USP42: variants seen among roughly 807,000 people sequenced by gnomAD.
The protein encoded by USP42 is ubiquitin specific peptidase 42, also known as ubiquitin carboxyl-terminal hydrolase 42.
Under a neutral mutation model 113.0 loss-of-function variants are expected in USP42, and 23 were observed. The ratio of observed to expected loss-of-function variants is 0.20; its 90% CI spans 0.15 to 0.29. The LOEUF (loss-of-function observed/expected upper bound fraction) is 0.29, where lower values mean the gene tolerates loss of function less well. Among genes scored for constraint, USP42 ranks in the 10% least tolerant of loss-of-function variants. USP42 has a pLI of 1.00. For synonymous variants in USP42, 933 were observed against 699.0 expected (o/e 1.33, Z -5.28); for missense variants, 2,174 against 1,779.8 (o/e 1.22, Z -3.99).
At chr7:6,106,114 A>G (rs961108844) in intron 1 of USP42, among the ~76,000 whole-genome samples, 4 of 152,156 alleles carry the variant, frequency 2.6e-5, no homozygotes, top group Non-Finnish European at 4.4e-5. Flanking sequence ...AGTTTCACTT[A>G]TTTGTTTTAA....
chr7:6,130,069 C>T (rs762397898), intron 3 of USP42, among the ~76,000 whole-genome samples: 12 of 151,964 alleles, frequency 7.9e-5, no homozygotes, highest in Non-Finnish European at 1.5e-4. Flanking sequence ...CACTGCAGCT[C>T]CCACCTCCTG....
At chr7:6,102,624 G>A (rs1179741393), upstream of USP42, among the ~76,000 whole-genome samples, 1 of 150,602 alleles carries the variant, frequency 6.6e-6, no homozygotes, top group Non-Finnish European at 1.5e-5. Context: ...GGTGTGGTGG[G>A]CTGTGCCTGT....
At chr7:6,141,129 A>G in intron 7 of USP42, 145 bp downstream of exon 7, 1 of 468,424 alleles carries the variant, frequency 2.1e-6, no homozygotes. Flanking sequence ...GGAATTATTC[A>G]AGCTTTGTAG....
intron 8 of USP42, among the ~76,000 whole-genome samples, chr7:6,143,593 T>G (rs970679054): frequency 1.3e-5 from 2 of 152,168 alleles, no homozygotes; most frequent in African/African-American, 4.8e-5. Context: ...AATTTTTTTA[T>G]TGTCAAATCT....
At chr7:6,116,392 A>G (rs1183758188) in intron 3 of USP42, 1 of 168,326 alleles carries the variant, frequency 5.9e-6, no homozygotes, top group Non-Finnish European at 1.3e-5. Context: ...TTGACTATCA[A>G]CCTTCAGAAT....
chr7:6,123,036 G>A (rs1323143618), intron 3 of USP42, among the ~76,000 whole-genome samples: 4 of 150,814 alleles, frequency 2.7e-5, no homozygotes, highest in Non-Finnish European at 5.9e-5. Context: ...GTGTTGGCTA[G>A]GCTGGTCTCA....
At chr7:6,118,838 G>A (rs1015511594) in intron 3 of USP42, among the ~76,000 whole-genome samples, 1 of 152,046 alleles carries the variant, frequency 6.6e-6, no homozygotes, top group Non-Finnish European at 1.5e-5. Flanking sequence ...ATATCAATAC[G>A]ATCTATTTCT....
At chr7:6,125,792 T>G (rs1780509626) in intron 3 of USP42, among the ~76,000 whole-genome samples, 2 of 152,144 alleles carry the variant, frequency 1.3e-5, no homozygotes, top group South Asian at 4.1e-4. Context: ...GGGTTGTTTA[T>G]TTTACTTTGT....
chr7:6,115,194 C>A, intron 2 of USP42, 129 bp from the exon 3 acceptor site: 1 of 847,826 alleles, frequency 1.2e-6, no homozygotes, highest in Non-Finnish European at 1.8e-6. Context: ...CCTCTTCCCC[C>A]TGTATTTCAG....
chr7:6,097,826 G>C, the USP42 span, among the ~76,000 whole-genome samples: 1 of 149,786 alleles, frequency 6.7e-6, no homozygotes, highest in Non-Finnish European at 1.5e-5. Context: ...TCCTGACCTC[G>C]TGATCCGCCC....
chr7:6,156,766 C>T lies in USP42; in HGVS notation c.3654C>T (p.Asp1218=). The T allele has an allele frequency of 6.4e-7, 1 of 1,554,572 alleles. No individual in the cohort carries two copies. Among genetic ancestry groups the T allele is most frequent in the South Asian group, 1.3e-5 (1 of 79,624 alleles). The change falls in exon 16 of 18, where the codon GAC becomes GAT. Residue 1218 remains aspartate, a synonymous_variant. Transcript: ENST00000306177. ...HRDRDSRHQQ[D]SDLSAACSDA... ...TTTCCTTCTGCAGGCATCAGCAGGA[C>T]TCAGACCTCTCAGCAGCGTGCTCTG...
Position 6,155,100 on chromosome 7 carries a change from A to G in USP42, c.3546A>G (p.Glu1182=). The change falls in exon 15 of 18, where the codon GAA becomes GAG. Residue 1182 remains glutamate, a synonymous_variant. Transcript: ENST00000306177. ...TTGAAAAGAAAGCCCGGAGGAGCGA[A>G]CAGAAGGATCCTCTAGAAGAGCCTA... ...SHVEKKARRS[E]QKDPLEEPKA... 6.4e-7 allele frequency: 1 copy of G among 1,560,064 alleles called. No individual in the cohort carries two copies. The highest frequency in any genetic ancestry group is 2.4e-5 in the East Asian group (1 of 41,444).
intron 12 of USP42, among the ~76,000 whole-genome samples, chr7:6,148,570 G>T (rs1445063373): frequency 6.6e-6 from 1 of 152,170 alleles, no homozygotes; most frequent in Non-Finnish European, 1.5e-5. Flanking sequence ...TCAGGGGTGT[G>T]GTGTTTCTGT....
Position 6,154,784 on chromosome 7 carries a change from T to A in USP42, c.3230T>A (p.Phe1077Tyr), listed in dbSNP as rs1477719169. 2 of 1,549,680 alleles carry A rather than the reference T, an allele frequency of 1.3e-6. No homozygotes were observed. Among genetic ancestry groups the A allele is most frequent in the Admixed American group, 3.9e-5 (2 of 50,950 alleles). ...TACGCTGCCCGGGACTGGAAGCCCTTCCACGGCGGCCGCGAGCACGAGCGG... is the reference window on the plus strand; with the variant it reads ...TACGCTGCCCGGGACTGGAAGCCCTACCACGGCGGCCGCGAGCACGAGCGG... The part of the protein sequence containing the change: ...ALYAARDWKP[F>Y]HGGREHERAG... The change falls in exon 15 of 18, where the codon TTC becomes TAC. Residue 1077 changes from phenylalanine (F) to tyrosine (Y), a missense_variant. Phe to Tyr is a conservative substitution (Grantham distance 22). Coordinates refer to ENST00000306177, the MANE Select transcript of USP42 (RefSeq NM_032172.3).
Position 6,155,138 on chromosome 7 carries a change from A to G in USP42, c.3584A>G (p.His1195Arg). 1 of 1,550,070 alleles carries G rather than the reference A, an allele frequency of 6.5e-7. No homozygotes were observed. The highest frequency in any genetic ancestry group is 8.7e-7 in the Non-Finnish European group (1 of 1,148,242). ...CTAGAAGAGCCTAAAGCAAAGAAGC[A>G]CAAAAAATCAAAGAAGAAAAAGAAA... is the stretch of plus-strand genomic sequence containing the variant. ...DPLEEPKAKK[H>R]KKSKKKKKSK... Residue 1195 changes from histidine to arginine, a missense_variant, in exon 15 of 18, where the codon CAC becomes CGC. By Grantham distance (29) the His-to-Arg change is conservative (BLOSUM62 0). Transcript: ENST00000306177.
At chr7:6,112,165 A>T (rs1053320936) in intron 2 of USP42, among the ~76,000 whole-genome samples, 1 of 152,138 alleles carries the variant, frequency 6.6e-6, no homozygotes, top group Admixed American at 6.5e-5. Flanking sequence ...AAGAGAGCAG[A>T]TAGGCTAGGC....
intron 2 of USP42, among the ~76,000 whole-genome samples, chr7:6,114,464 A>G (rs1187332563): frequency 6.6e-6 from 1 of 151,714 alleles, no homozygotes; most frequent in African/African-American, 2.4e-5. Context: ...TCCCCACGAC[A>G]TTATCTCAAA....
rs1227591061 is a variant in USP42, at chr7:6,157,187, C to T, written c.3943+132C>T. ...GCACAGTTACTCAGAGCACCCCTGC[C>T]CTGCCTGGTCTGGCCTCAGTGCTCA... is the stretch of plus-strand genomic sequence containing the variant. On this transcript the variant is annotated intron_variant, in intron 16 of 17. Transcript: ENST00000306177. This position sits in a 1 kb window ranked among gnomAD's most constrained non-coding sequence, Gnocchi z 4.1. 19 of 1,434,384 alleles carry T rather than the reference C, an allele frequency of 1.3e-5. No individual in the cohort carries two copies. The highest frequency in any genetic ancestry group is 1.8e-4 in the Middle Eastern group (1 of 5,528). 88.9% of individuals were successfully genotyped at this position (1,434,384 alleles called of 1,614,324 possible). A position where few individuals can be genotyped will look rare whatever the true frequency, so the allele number is the denominator to read the frequency against.
chr7:6,103,288 C>G (rs929811439), upstream of USP42, among the ~76,000 whole-genome samples: 2 of 150,898 alleles, frequency 1.3e-5, no homozygotes, highest in Non-Finnish European at 2.9e-5. Context: ...AGGGGTCTAT[C>G]CCCTTCAGAG....
Sources: gnomAD v4.1 joint callset for allele counts (sites outside exome capture counted in the v4.1 genomes callset) on GRCh38, gnomAD v4.1.1 for gene constraint, Gnocchi (gnomAD v3.1) non-coding constraint, MANE v1.5 for transcripts, NCBI Gene and HGNC (gene_info 2026-07-23, HGNC 2026-07-21) for gene names.